The following MAGI1 variants were observed in gnomAD, a reference collection of about 807,000 sequenced individuals.
MAGI1 encodes membrane-associated guanylate kinase, WW and PDZ domain-containing protein 1.
MAGI1 carries 58 observed loss-of-function variants against 139.9 expected under a neutral mutation model. That is an observed-to-expected ratio of 0.41 (90% CI 0.34 to 0.52). MAGI1 has a LOEUF of 0.52. Ranked by LOEUF, MAGI1 falls within the 20% of genes least tolerant of loss-of-function variation. The pLI, the probability that MAGI1 is intolerant of heterozygous loss-of-function variation, is 0.12. For synonymous variants in MAGI1, 812 were observed against 737.9 expected (o/e 1.10, Z -1.63); for missense variants, 1,874 against 1,901.6 (o/e 0.99, Z 0.27).
At chr3:65,967,012 A>G (rs2064782473) in intron 1 of MAGI1, among the ~76,000 whole-genome samples, 1 of 152,158 alleles carries the variant, frequency 6.6e-6, no homozygotes, top group Non-Finnish European at 1.5e-5. Context: ...TTTCCATTAT[A>G]CAGATGACAA....
chr3:65,469,321 A>T (rs9880926), intron 5 of MAGI1, among the ~76,000 whole-genome samples: 65,430 of 151,524 alleles, frequency 0.43, 15,166 homozygotes, highest in African/African-American at 0.59. Flanking sequence ...TATTTTTTTT[A>T]AATTTAATCA....
intron 2 of MAGI1, among the ~76,000 whole-genome samples, chr3:65,570,073 CATT>C (rs57902043): frequency 0.32 from 43,155 of 135,956 alleles, 6,961 homozygotes; most frequent in African/African-American, 0.38. Flanking sequence ...TCTTTATTAT[CATT>C]ATTATTATTA....
At chr3:65,609,273 TCTC>T (rs907439016) in intron 2 of MAGI1, among the ~76,000 whole-genome samples, 6 of 149,606 alleles carry the variant, frequency 4.0e-5, no homozygotes, top group Non-Finnish European at 5.9e-5. Context: ...TCTCTCTCTC[TCTC>T]TTTTTTTTGT....
At chr3:65,526,275 A>G (rs977838935) in intron 2 of MAGI1, among the ~76,000 whole-genome samples, 1 of 152,156 alleles carries the variant, frequency 6.6e-6, no homozygotes, top group Non-Finnish European at 1.5e-5. Context: ...GACTGCTCAA[A>G]TTAAGGTAAC....
At chr3:66,027,301 T>A (rs1482139949) in intron 1 of MAGI1, among the ~76,000 whole-genome samples, 2 of 70,174 alleles carry the variant, frequency 2.9e-5, no homozygotes, top group Non-Finnish European at 3.4e-5. Context: ...AATAAATAAA[T>A]AAATAAATAA....
chr3:65,505,515 C>T (rs1008546505), intron 2 of MAGI1, among the ~76,000 whole-genome samples: 5 of 151,652 alleles, frequency 3.3e-5, no homozygotes, highest in East Asian at 3.9e-4. Context: ...TATAGTGGCA[C>T]GTGCCTGTAG....
chr3:65,594,768 A>C (rs532555852), intron 2 of MAGI1, among the ~76,000 whole-genome samples: 20 of 152,354 alleles, frequency 1.3e-4, no homozygotes, highest in African/African-American at 4.8e-4. Flanking sequence ...TGCAAAGAAA[A>C]AGAAATATCT....
intron 2 of MAGI1, among the ~76,000 whole-genome samples, chr3:65,582,157 C>T (rs567087316): frequency 9.2e-5 from 14 of 152,346 alleles, no homozygotes; most frequent in Middle Eastern, 3.4e-3. Context: ...TGAATGTAAG[C>T]GCCCTGAAGG....
intron 1 of MAGI1, among the ~76,000 whole-genome samples, chr3:65,738,113 C>T (rs1239763956): frequency 6.6e-6 from 1 of 152,170 alleles, no homozygotes; most frequent in African/African-American, 2.4e-5. Flanking sequence ...GACAGTGGCA[C>T]TCATCCCATC....
intron 1 of MAGI1, among the ~76,000 whole-genome samples, chr3:65,822,479 G>T (rs549636706): frequency 4.6e-5 from 7 of 152,208 alleles, no homozygotes; most frequent in South Asian, 2.1e-4. Context: ...AGTGAGTTGA[G>T]ATGGCACCAC....
chr3:65,728,710 G>GA (rs1300689539), intron 1 of MAGI1, among the ~76,000 whole-genome samples: 1 of 151,992 alleles, frequency 6.6e-6, no homozygotes. Context: ...ATGATGCAAA[G>GA]AAAAAACCGT....
chr3:65,424,646 T>C (rs1045171603), intron 12 of MAGI1, among the ~76,000 whole-genome samples: 22 of 151,960 alleles, frequency 1.4e-4, no homozygotes, highest in African/African-American at 4.8e-5. Flanking sequence ...AGTAGAAAAA[T>C]GTAGAATGTG....
rs116084314 is a variant in MAGI1, at chr3:65,825,499, G to C, written c.314-203411C>G. 8.9e-3 allele frequency among the ~76,000 whole-genome samples: 1,355 copies of C among 152,174 alleles called. 23 individuals are homozygous for C. The highest frequency in any genetic ancestry group is 0.031 in the African/African-American group (1,274 of 41,508). On this transcript the variant is annotated intron_variant, in intron 1 of 22. Transcript: ENST00000402939. ...GGAAATCGGCAAGTGCTATAAATCAGAGCTCTTTCTTCCCTAGAGAGTCAG... is the reference window on the plus strand; with the variant it reads ...GGAAATCGGCAAGTGCTATAAATCACAGCTCTTTCTTCCCTAGAGAGTCAG...
chr3:65,386,908 C>T (rs1943486627), intron 14 of MAGI1, among the ~76,000 whole-genome samples: 1 of 152,190 alleles, frequency 6.6e-6, no homozygotes. Flanking sequence ...CCTGGTGTCT[C>T]CATTACTACA....
At chr3:65,818,618 T>G (rs1041059026) in intron 1 of MAGI1, among the ~76,000 whole-genome samples, 1 of 152,068 alleles carries the variant, frequency 6.6e-6, no homozygotes, top group Non-Finnish European at 1.5e-5. Flanking sequence ...GACAAAACAC[T>G]GCATGAAGGA....
intron 1 of MAGI1, among the ~76,000 whole-genome samples, chr3:65,768,411 T>C (rs151301231): frequency 1.7e-3 from 258 of 151,982 alleles, no homozygotes; most frequent in African/African-American, 6.1e-3. Flanking sequence ...CAGAGCAAGA[T>C]TCAATCTCAA....
At chr3:65,985,381 T>A (rs2065827366) in intron 1 of MAGI1, among the ~76,000 whole-genome samples, 1 of 152,232 alleles carries the variant, frequency 6.6e-6, no homozygotes, top group Non-Finnish European at 1.5e-5. Flanking sequence ...TTTGGTCATA[T>A]GCAGAAATGT....
At chr3:65,491,281 T>A (rs890386644) in intron 3 of MAGI1, among the ~76,000 whole-genome samples, 1 of 152,142 alleles carries the variant, frequency 6.6e-6, no homozygotes, top group Middle Eastern at 3.2e-3. Flanking sequence ...AGTGTCCCCA[T>A]CTAAAAATTC....
chr3:65,749,162 C>T (rs1006657315), intron 1 of MAGI1, among the ~76,000 whole-genome samples: 1 of 152,120 alleles, frequency 6.6e-6, no homozygotes, highest in African/African-American at 2.4e-5. Flanking sequence ...ATGCAAGGCA[C>T]TCAGTGGTAG....
Sources: gnomAD v4.1 joint callset for allele counts (sites outside exome capture counted in the v4.1 genomes callset) on GRCh38, gnomAD v4.1.1 for gene constraint, MANE v1.5 for transcripts, NCBI Gene and HGNC (gene_info 2026-07-23, HGNC 2026-07-21) for gene names.